The following METTL8 variants were observed in gnomAD, a reference collection of about 807,000 sequenced individuals.
The protein encoded by METTL8 is tRNA N(3)-cytidine methyltransferase METTL8, mitochondrial.
METTL8 carries 32 observed loss-of-function variants against 48.7 expected under a neutral mutation model. The ratio of observed to expected loss-of-function variants is 0.66; its 90% CI spans 0.50 to 0.88. METTL8 has a LOEUF of 0.88. METTL8 is among the 40% of genes least tolerant of loss of function. The pLI, the probability that METTL8 is intolerant of heterozygous loss-of-function variation, is 0.00. For missense variants in METTL8, 464 were observed against 474.4 expected (o/e 0.98, Z 0.20); for synonymous variants, 136 against 157.1 (o/e 0.87, Z 1.01).
At chr2:171,350,012 T>C (rs528355607) in intron 3 of METTL8, among the ~76,000 whole-genome samples, 4 of 152,282 alleles carry the variant, frequency 2.6e-5, no homozygotes, top group Non-Finnish European at 4.4e-5. Flanking sequence ...GTGCACAACA[T>C]GCAAGTTTGT....
In METTL8 at chr2:171,320,687, G is replaced by C. The variant is rs1684483452; in HGVS notation, c.*3485C>G. 6.6e-6 allele frequency: 1 copy of C among 152,220 alleles called. No individual in the cohort carries two copies. Among genetic ancestry groups the C allele is most frequent in the Non-Finnish European group, 1.5e-5 (1 of 68,042 alleles). 9.4% of individuals were successfully genotyped at this position (152,220 alleles called of 1,614,324 possible). ...TAATTATGAAATACAACTGAGTTAA[G>C]AGTCTTGGGCAAATTTTAATGTTTA... On this transcript the variant is annotated 3_prime_UTR_variant, in exon 10 of 10. Coordinates refer to ENST00000375258, the MANE Select transcript of METTL8 (RefSeq NM_001321154.2).
chr2:171,337,640 C>G, intron 4 of METTL8, 138 bp from the exon 5 acceptor site: 1 of 609,526 alleles, frequency 1.6e-6, no homozygotes, highest in Non-Finnish European at 2.8e-6. Flanking sequence ...AACTCAAAAG[C>G]AATGAAATAA....
intron 2 of METTL8, among the ~76,000 whole-genome samples, chr2:171,373,277 GTCTT>G (rs1686567012): frequency 1.3e-5 from 2 of 152,180 alleles, no homozygotes. Context: ...CTGCATAAAT[GTCTT>G]CTTTTGAGAA....
At chr2:171,350,112 C>T (rs1683728287) in intron 3 of METTL8, among the ~76,000 whole-genome samples, 2 of 152,144 alleles carry the variant, frequency 1.3e-5, no homozygotes, top group African/African-American at 2.4e-5. Flanking sequence ...TCCCTCCCCA[C>T]TCCCGCCACC....
intron 2 of METTL8, among the ~76,000 whole-genome samples, chr2:171,385,417 ACTT>A (rs1687951721): frequency 6.6e-6 from 1 of 152,142 alleles, no homozygotes; most frequent in Non-Finnish European, 1.5e-5. Flanking sequence ...GAAAACAAAA[ACTT>A]CTGAACAGAA....
intron 2 of METTL8, among the ~76,000 whole-genome samples, chr2:171,388,780 T>G (rs761399440): frequency 1.3e-5 from 2 of 152,246 alleles, no homozygotes; most frequent in Non-Finnish European, 2.9e-5. Flanking sequence ...CTCTGTTACA[T>G]TTTGGTAATT....
intron 5 of METTL8, among the ~76,000 whole-genome samples, chr2:171,337,245 T>A (rs1172468017): frequency 2.6e-5 from 4 of 152,200 alleles, no homozygotes; most frequent in Non-Finnish European, 5.9e-5. Flanking sequence ...GGACAACCCA[T>A]GGCTACGAAA....
intron 3 of METTL8, among the ~76,000 whole-genome samples, chr2:171,355,737 G>A (rs770650996): frequency 1.3e-5 from 2 of 152,044 alleles, no homozygotes; most frequent in African/African-American, 2.4e-5. Flanking sequence ...AGCAATGAGC[G>A]AGGCTCCGTG....
chr2:171,421,079 G>A (rs562159462), intron 1 of METTL8, among the ~76,000 whole-genome samples: 1 of 152,126 alleles, frequency 6.6e-6, no homozygotes, highest in East Asian at 1.9e-4. Context: ...AAAAGTAAAA[G>A]GTGGAGGAGG....
intron 1 of METTL8, among the ~76,000 whole-genome samples, chr2:171,409,764 TGGGCTAGGAATGCAGG>T (rs893620320): frequency 1.1e-4 from 17 of 152,312 alleles, no homozygotes; most frequent in African/African-American, 4.1e-4. Context: ...TGGAGGCATC[TGGGCTAGGAATGCAGG>T]GGGCTGATTC....
Position 171,325,909 on chromosome 2 carries a change from G to GA in METTL8, c.968-4dup, listed in dbSNP as rs758595734. 1 of 1,585,208 alleles carries GA rather than the reference G, an allele frequency of 6.3e-7. No individual in the cohort carries two copies. Among genetic ancestry groups the GA allele is most frequent in the Non-Finnish European group, 8.6e-7 (1 of 1,159,948 alleles). ...AAAATTTTCAGATAAACAATGTCCT[G>GA]AAAAAAATTGTGAAAAGAGAAACTC... On this transcript the variant is annotated splice_polypyrimidine_tract_variant and splice_region_variant and intron_variant, in intron 8 of 9. Coordinates refer to ENST00000375258, the MANE Select transcript of METTL8 (RefSeq NM_001321154.2).
At chr2:171,337,335 C>A in intron 5 of METTL8, 118 bp downstream of exon 5, 1 of 632,812 alleles carries the variant, frequency 1.6e-6, no homozygotes, top group Non-Finnish European at 2.6e-6. Context: ...TTGCTTGAGC[C>A]ATTGTTCATA....
chr2:171,364,370 T>C (rs1299694899), intron 2 of METTL8, among the ~76,000 whole-genome samples: 1 of 151,986 alleles, frequency 6.6e-6, no homozygotes, highest in African/African-American at 2.4e-5. Context: ...CCATCAACCC[T>C]TATAATAAGA....
Position 171,416,664 on chromosome 2 carries a change from G to C in METTL8, c.-13+17219C>G, listed in dbSNP as rs1490850699. ...TGTACAGATTTTATAACTTACAAAA[G>C]CTCTCACATTCATTTTCACATCTGA... On this transcript the variant is annotated intron_variant, in intron 1 of 9. Transcript: ENST00000375258. Among the ~76,000 whole-genome samples, 6 of 152,198 alleles carry C rather than the reference G, an allele frequency of 3.9e-5. No individual in the cohort carries two copies. The East Asian group carries it at 9.6e-4, about 24-fold the overall frequency.
At chr2:171,404,989 AGTT>A (rs1162181242) in intron 1 of METTL8, among the ~76,000 whole-genome samples, 1 of 152,208 alleles carries the variant, frequency 6.6e-6, no homozygotes, top group Non-Finnish European at 1.5e-5. Context: ...TAGATGTAAA[AGTT>A]GTGTGCAGTG....
chr2:171,374,968 A>C (rs772219582), intron 2 of METTL8: 79 of 1,203,688 alleles, frequency 6.6e-5, no homozygotes, highest in Admixed American at 3.9e-4. Context: ...GGCAGCACCC[A>C]CAGGTCTAAA....
rs762739077 is a variant in METTL8, at chr2:171,415,349, C to CTTTTTTT, written c.-13+18527_-13+18533dup. Among the ~76,000 whole-genome samples the CTTTTTTT allele has an allele frequency of 2.0e-4, 23 of 112,378 alleles. 1 individual carries two copies. Among genetic ancestry groups the CTTTTTTT allele is most frequent in the East Asian group, 7.5e-4 (3 of 4,008 alleles). The allele number at this position is 112,378 out of a possible 152,430, so 73.7% of individuals were successfully genotyped here. On this transcript the variant is annotated intron_variant, in intron 1 of 9. Transcript: ENST00000375258. ...TTTTCTTCTTAATATATCTCGAAAT[C>CTTTTTTT]TTTTTTTTTTTTTTTTTTTTTTTGA...
chr2:171,397,319 A>C (rs1270381523), intron 1 of METTL8, among the ~76,000 whole-genome samples: 4 of 138,352 alleles, frequency 2.9e-5, no homozygotes, highest in African/African-American at 7.8e-5. Context: ...AGACTTTGAG[A>C]CTAGCCTAGG....
upstream of METTL8, chr2:171,434,048 T>C (rs1354262692): frequency 1.0e-5 from 3 of 288,224 alleles, no homozygotes; most frequent in Admixed American, 4.9e-5. Context: ...GGCGGAGACC[T>C]GGAGGCGGCA....
Sources: allele counts gnomAD v4.1 joint callset (sites outside exome capture counted in the v4.1 genomes callset), GRCh38; gene constraint gnomAD v4.1.1; transcripts MANE v1.5; gene names NCBI Gene and HGNC (gene_info 2026-07-23, HGNC 2026-07-21).